Variants in CYYR1 observed in about 807,000 individuals in gnomAD.
The protein encoded by CYYR1 is cysteine and tyrosine-rich protein 1.
Under a neutral mutation model 15.2 loss-of-function variants are expected in CYYR1, and 14 were observed. That is an observed-to-expected ratio of 0.92 (90% CI 0.61 to 1.44). CYYR1 has a LOEUF of 1.44. Ranked by LOEUF, CYYR1 falls within the 40% of genes most tolerant of loss-of-function variation. The pLI is 0.00. For missense variants in CYYR1, 228 were observed against 209.5 expected, an observed-to-expected ratio of 1.09 and a Z score of -0.54; for synonymous variants, 80 against 77.4, an observed-to-expected ratio of 1.03 and a Z score of -0.18.
At position 26,477,877 on chromosome 21, in the gene CYYR1, T is replaced by C. The variant is rs955568254; in HGVS notation, c.334+2395A>G. 60 of 1,269,282 alleles carry C rather than the reference T, an allele frequency of 4.7e-5. No individual in the cohort carries two copies. The South Asian group carries it at 7.0e-4, about 15-fold the overall frequency. The allele number at this position is 1,269,282 out of a possible 1,614,324, so 78.6% of individuals were successfully genotyped here. On this transcript the variant is annotated intron_variant, in intron 3 of 3. Coordinates refer to ENST00000652641, the MANE Select transcript of CYYR1 (RefSeq NM_001320768.2). ...ATTTTTTTCCTTATATTCCAACATC[T>C]TTACAGTAACCCTACCAATATTCTT...
chr21:26,554,332 A>T (rs1378041944), intron 2 of CYYR1, among the ~76,000 whole-genome samples: 1 of 152,128 alleles, frequency 6.6e-6, no homozygotes, highest in African/African-American at 2.4e-5. Context: ...TTGATATTAT[A>T]TATGTAATTT....
intron 2 of CYYR1, among the ~76,000 whole-genome samples, chr21:26,559,796 A>C (rs1185640086): frequency 1.3e-5 from 2 of 152,226 alleles, no homozygotes; most frequent in Admixed American, 6.5e-5. Flanking sequence ...CTAAGCTCCA[A>C]ATTCTTTTGG....
intron 2 of CYYR1, among the ~76,000 whole-genome samples, chr21:26,559,586 G>A (rs1980057413): frequency 6.6e-6 from 1 of 151,824 alleles, no homozygotes; most frequent in Admixed American, 6.6e-5. Flanking sequence ...AAATGTAATT[G>A]TTTGCTTTTT....
chr21:26,488,193 TAAAAG>T (rs2065276646), intron 2 of CYYR1, among the ~76,000 whole-genome samples: 1 of 152,114 alleles, frequency 6.6e-6, no homozygotes, highest in African/African-American at 2.4e-5. Flanking sequence ...TTTTCCTTGA[TAAAAG>T]AAGTCTGAGG....
intron 1 of CYYR1, among the ~76,000 whole-genome samples, chr21:26,569,616 T>A (rs779501847): frequency 6.6e-6 from 1 of 152,016 alleles, no homozygotes; most frequent in African/African-American, 2.4e-5. Context: ...TATCAAAAAA[T>A]AAATAAATAA....
At chr21:26,548,703 T>C (rs888443632) in intron 2 of CYYR1, among the ~76,000 whole-genome samples, 10 of 152,190 alleles carry the variant, frequency 6.6e-5, no homozygotes, top group African/African-American at 2.4e-4. Flanking sequence ...AAGAATCTCC[T>C]AGTGAGGGAT....
chr21:26,468,992 C>T (rs997198965), intron 3 of CYYR1, among the ~76,000 whole-genome samples: 22 of 152,040 alleles, frequency 1.4e-4, no homozygotes, highest in Admixed American at 1.0e-3. Context: ...ATGAGGAGTG[C>T]GGTTATATCA....
intron 2 of CYYR1, among the ~76,000 whole-genome samples, chr21:26,495,573 C>T (rs1219969763): frequency 1.3e-5 from 2 of 152,164 alleles, no homozygotes; most frequent in Non-Finnish European, 2.9e-5. Context: ...TTCCACTTCA[C>T]CCCTTGTGCT....
intron 2 of CYYR1, among the ~76,000 whole-genome samples, chr21:26,525,791 TC>T (rs1446391715): frequency 2.0e-5 from 3 of 152,236 alleles, no homozygotes; most frequent in Non-Finnish European, 4.4e-5. Context: ...TATGGATGGT[TC>T]CCATTGAATG....
At chr21:26,511,640 T>A (rs1411170572) in intron 2 of CYYR1, among the ~76,000 whole-genome samples, 3 of 152,212 alleles carry the variant, frequency 2.0e-5, no homozygotes, top group Non-Finnish European at 4.4e-5. Context: ...TTATATGATG[T>A]TGTGATAAAA....
chr21:26,535,879 A>G lies in CYYR1; in HGVS notation c.176+30387T>C, dbSNP rs556442756. Among the ~76,000 whole-genome samples, 6 of 152,258 alleles carry G rather than the reference A, an allele frequency of 3.9e-5. No individual in the cohort carries two copies. The East Asian group carries it at 7.7e-4, about 20-fold the overall frequency. On this transcript the variant is annotated intron_variant, in intron 2 of 3. Coordinates refer to ENST00000652641, the MANE Select transcript of CYYR1 (RefSeq NM_001320768.2). Reference sequence around the variant, plus strand: ...AGTTTGTATGTTCCCTTTGCCACTTATGCTCTAAGTTGCCAGAGAAGCATG... The same window carrying G: ...AGTTTGTATGTTCCCTTTGCCACTTGTGCTCTAAGTTGCCAGAGAAGCATG...
chr21:26,539,717 C>T (rs1978411819), intron 2 of CYYR1, among the ~76,000 whole-genome samples: 1 of 152,116 alleles, frequency 6.6e-6, no homozygotes, highest in African/African-American at 2.4e-5. Flanking sequence ...TAAACTATTT[C>T]CCAGATTTCA....
intron 2 of CYYR1, among the ~76,000 whole-genome samples, chr21:26,561,386 C>T (rs1980188840): frequency 6.6e-6 from 1 of 151,662 alleles, no homozygotes; most frequent in Non-Finnish European, 1.5e-5. Flanking sequence ...ATAGCCTTAC[C>T]TGATTAATCC....
rs779752869 is a variant in CYYR1, at chr21:26,545,849, CTGAGA to C, written c.176+20412_176+20416del. ...CCGCCCGCCTCGGCCTCCCAAAGTG[CTGAGA>C]TTACAGTTTATTCTTAATTAAATAA... On this transcript the variant is annotated intron_variant, in intron 2 of 3. Transcript: ENST00000652641. Among the ~76,000 whole-genome samples, 320 of 152,080 alleles carry C rather than the reference CTGAGA, an allele frequency of 2.1e-3. 1 individual carries two copies. The highest frequency in any genetic ancestry group is 2.3e-3 in the South Asian group (11 of 4,808).
At chr21:26,473,378 T>C (rs1189924272) in intron 3 of CYYR1, among the ~76,000 whole-genome samples, 1 of 152,116 alleles carries the variant, frequency 6.6e-6, no homozygotes, top group African/African-American at 2.4e-5. Context: ...CCATTTATCC[T>C]CTACAATGGC....
intron 2 of CYYR1, among the ~76,000 whole-genome samples, chr21:26,519,498 T>C (rs1487760889): frequency 6.6e-6 from 1 of 151,952 alleles, no homozygotes; most frequent in Non-Finnish European, 1.5e-5. Flanking sequence ...AAAGTGCATA[T>C]GGGAAAAATG....
chr21:26,496,628 A>G (rs2065408284), intron 2 of CYYR1, among the ~76,000 whole-genome samples: 1 of 152,188 alleles, frequency 6.6e-6, no homozygotes, highest in African/African-American at 2.4e-5. Context: ...ATTGCTGGCA[A>G]TCTTTTTTGT....
chr21:26,507,694 C>T (rs995592901), intron 2 of CYYR1, among the ~76,000 whole-genome samples: 5 of 152,078 alleles, frequency 3.3e-5, no homozygotes, highest in Admixed American at 6.6e-5. Flanking sequence ...AGAACAAGTT[C>T]GATATTAAAA....
intron 2 of CYYR1, among the ~76,000 whole-genome samples, chr21:26,552,843 T>C (rs1337288669): frequency 6.6e-6 from 1 of 152,096 alleles, no homozygotes; most frequent in Non-Finnish European, 1.5e-5. Context: ...CTATCATACA[T>C]ATCATATGTT....
Sources: allele counts gnomAD v4.1 joint callset (sites outside exome capture counted in the v4.1 genomes callset), GRCh38; gene constraint gnomAD v4.1.1; transcripts MANE v1.5; gene names NCBI Gene and HGNC (gene_info 2026-07-23, HGNC 2026-07-21).